The following MTHFD1L variants were observed in gnomAD, a reference collection of about 807,000 sequenced individuals.
MTHFD1L encodes methylenetetrahydrofolate dehydrogenase (NADP+ dependent) 1 like.
In MTHFD1L, 81 loss-of-function variants were observed where a neutral mutation model predicts 119.5. That is an observed-to-expected ratio of 0.68 (90% confidence interval 0.57 to 0.82). The LOEUF is 0.82. Among genes scored for constraint, MTHFD1L ranks in the 40% least tolerant of loss-of-function variants. The pLI is 0.00. For missense variants in MTHFD1L, 1,125 were observed against 1,253.4 expected (o/e 0.90, Z 1.55); for synonymous variants, 430 against 475.2 (o/e 0.90, Z 1.24).
At chr6:151,050,536 TAATC>T (rs1788855572) in intron 26 of MTHFD1L, among the ~76,000 whole-genome samples, 1 of 152,284 alleles carries the variant, frequency 6.6e-6, no homozygotes, top group South Asian at 2.1e-4. Flanking sequence ...TCCAGCAAAT[TAATC>T]AAACCCAAAG....
intron 16 of MTHFD1L, among the ~76,000 whole-genome samples, chr6:150,950,562 G>T (rs1243089758): frequency 6.6e-6 from 1 of 152,200 alleles, no homozygotes; most frequent in Non-Finnish European, 1.5e-5. Context: ...CAGCTGCCTT[G>T]CTGGGAGGCT....
chr6:151,100,951 G>T (rs975587855), intron 27 of MTHFD1L, among the ~76,000 whole-genome samples: 1 of 152,040 alleles, frequency 6.6e-6, no homozygotes, highest in Non-Finnish European at 1.5e-5. Flanking sequence ...TTGAGCCCAG[G>T]AGTTCAAGAC....
chr6:150,985,891 A>G (rs1312932820), intron 20 of MTHFD1L, among the ~76,000 whole-genome samples: 2 of 152,072 alleles, frequency 1.3e-5, no homozygotes, highest in Non-Finnish European at 2.9e-5. Flanking sequence ...CAACGTGAAA[A>G]TTGTCGACAA....
At chr6:150,867,794 C>CTT (rs35396368) in intron 1 of MTHFD1L, among the ~76,000 whole-genome samples, 1,719 of 115,860 alleles carry the variant, frequency 0.015, 31 homozygotes, top group Non-Finnish European at 0.021. Context: ...CATACATATT[C>CTT]TTTTTTTTTT....
intron 26 of MTHFD1L, among the ~76,000 whole-genome samples, chr6:151,079,164 GT>G (rs1183584778): frequency 3.3e-5 from 5 of 152,130 alleles, no homozygotes; most frequent in African/African-American, 9.7e-5. Flanking sequence ...TGGCCTTGCT[GT>G]GAACGGTTAC....
chr6:151,032,943 G>A (rs2128527908), intron 24 of MTHFD1L, among the ~76,000 whole-genome samples: 1 of 152,038 alleles, frequency 6.6e-6, no homozygotes, highest in African/African-American at 2.4e-5. Flanking sequence ...TTTTCTCTTG[G>A]GTAACTCTTG....
chr6:150,866,897 G>C (rs11968785), intron 1 of MTHFD1L, among the ~76,000 whole-genome samples: 1 of 152,110 alleles, frequency 6.6e-6, no homozygotes, highest in Non-Finnish European at 1.5e-5. Flanking sequence ...GACAACTTGG[G>C]GGTGGCAAGA....
intron 20 of MTHFD1L, among the ~76,000 whole-genome samples, chr6:151,007,737 C>G (rs551624781): frequency 6.6e-6 from 1 of 152,292 alleles, no homozygotes; most frequent in Admixed American, 6.5e-5. Context: ...ATGATGCCAC[C>G]AACGGCTAAA....
rs374327183 is a variant in MTHFD1L at position 150,924,790 on chromosome 6, A to G, written c.1083-1332A>G. On this transcript the variant is annotated intron_variant, in intron 10 of 27. Transcript: ENST00000367321. ...TCTGCAGCCTGCCAAAAGCTTACAC[A>G]TTGTTCAAGATTAAGCTCTTCAATT... Among the ~76,000 whole-genome samples, 8 of 152,326 alleles carry G rather than the reference A, an allele frequency of 5.3e-5. No homozygotes were observed. In the East Asian group the frequency reaches 1.4e-3, roughly 26 times the overall value.
At chr6:150,994,073 A>AAAAAAAAAAAAAAAAG (rs1779413216) in intron 20 of MTHFD1L, among the ~76,000 whole-genome samples, 1 of 79,218 alleles carries the variant, frequency 1.3e-5, no homozygotes, top group African/African-American at 6.9e-5. Context: ...GTAAAAAAAA[A>AAAAAAAAAAAAAAAAG]AAAAAAAGAA....
chr6:150,932,660 C>G (rs2128925398), intron 11 of MTHFD1L, among the ~76,000 whole-genome samples: 1 of 151,968 alleles, frequency 6.6e-6, no homozygotes. Flanking sequence ...CCCAGCTACT[C>G]AGGAGGCCGA....
chr6:150,966,803 G>A (rs1361340215), intron 19 of MTHFD1L, among the ~76,000 whole-genome samples: 1 of 152,198 alleles, frequency 6.6e-6, no homozygotes, highest in Non-Finnish European at 1.5e-5. Context: ...CAGCCTGGGC[G>A]ACAGAGTGAG....
intron 26 of MTHFD1L, among the ~76,000 whole-genome samples, chr6:151,089,480 A>T (rs965563142): frequency 6.6e-6 from 1 of 152,140 alleles, no homozygotes; most frequent in Non-Finnish European, 1.5e-5. Flanking sequence ...GCAGGTGCCT[A>T]TAATCCCAGC....
At chr6:150,918,779 CA>C in intron 9 of MTHFD1L, 111 bp downstream of exon 9, 1 of 831,104 alleles carries the variant, frequency 1.2e-6, no homozygotes, top group Non-Finnish European at 2.0e-6. Context: ...ACACTTCACA[CA>C]CAGTGTTAGG....
At chr6:151,097,647 TAC>T (rs1281334405) in intron 27 of MTHFD1L, among the ~76,000 whole-genome samples, 1 of 152,178 alleles carries the variant, frequency 6.6e-6, no homozygotes, top group Non-Finnish European at 1.5e-5. Context: ...GGTACAAACA[TAC>T]AGTTAGACGA....
chr6:150,992,851 C>T (rs138791206), intron 20 of MTHFD1L, among the ~76,000 whole-genome samples: 159 of 152,238 alleles, frequency 1.0e-3, no homozygotes, highest in Non-Finnish European at 1.6e-3. Flanking sequence ...TCTCTGCAAA[C>T]GAAACCCAGA....
intron 20 of MTHFD1L, among the ~76,000 whole-genome samples, chr6:151,000,411 A>G (rs1428760593): frequency 6.6e-6 from 1 of 152,002 alleles, no homozygotes; most frequent in East Asian, 1.9e-4. Flanking sequence ...ATATGTGTCT[A>G]GTTAGTTCTA....
intron 9 of MTHFD1L, 104 bp downstream of exon 9, chr6:150,918,772 C>T: frequency 1.1e-6 from 1 of 869,850 alleles, no homozygotes; most frequent in Non-Finnish European, 1.9e-6. Context: ...GTGTTAAACA[C>T]TTCACACACA....
intron 20 of MTHFD1L, among the ~76,000 whole-genome samples, chr6:150,994,419 A>G (rs1206411676): frequency 6.6e-6 from 1 of 152,162 alleles, no homozygotes; most frequent in Non-Finnish European, 1.5e-5. Context: ...TCTTCTTGAA[A>G]TAGAAAGGTG....
Sources: allele counts gnomAD v4.1 joint callset (sites outside exome capture counted in the v4.1 genomes callset), GRCh38; gene constraint gnomAD v4.1.1; transcripts MANE v1.5; gene names NCBI Gene and HGNC (gene_info 2026-07-23, HGNC 2026-07-21).